Variants in TCOF1 observed in about 807,000 individuals in gnomAD.
TCOF1 encodes treacle ribosome biogenesis factor 1.
Under a neutral mutation model 149.0 loss-of-function variants are expected in TCOF1, and 33 were observed. The ratio of observed to expected loss-of-function variants is 0.22; its 90% CI spans 0.17 to 0.30. The LOEUF is 0.30. Among genes scored for constraint, TCOF1 ranks in the 10% least tolerant of loss-of-function variants. TCOF1 has a pLI of 1.00. For missense variants in TCOF1, 1,728 were observed against 1,840.7 expected, an observed-to-expected ratio of 0.94 and a Z score of 1.12; for synonymous variants, 789 against 738.8, an observed-to-expected ratio of 1.07 and a Z score of -1.10.
At chr5:150,361,233 G>A (rs1443601585) in intron 2 of TCOF1, 22 bp downstream of exon 2, 1 of 1,613,916 alleles carries the variant, frequency 6.2e-7, no homozygotes, top group African/African-American at 1.3e-5. Flanking sequence ...GGCCTATAGG[G>A]TGGAGTAGGG....
Position 150,392,797 on chromosome 5 carries a change from G to T in TCOF1, c.3603+7G>T. On this transcript the variant is annotated splice_region_variant and intron_variant, in intron 22 of 26. Transcript: ENST00000643257. Reference sequence around the variant, plus strand: ...TGTGGTGGCGCCATCCCAGGTAACTGCAAGGGAGAGGACTGGCAGCCCATA... The same window carrying T: ...TGTGGTGGCGCCATCCCAGGTAACTTCAAGGGAGAGGACTGGCAGCCCATA... 1 of 1,613,648 alleles carries T rather than the reference G, an allele frequency of 6.2e-7. No individual in the cohort carries two copies. The highest frequency in any genetic ancestry group is 2.2e-5 in the East Asian group (1 of 44,864).
chr5:150,375,871 G>T lies in TCOF1; in HGVS notation c.1855G>T (p.Asp619Tyr), dbSNP rs375269658. ...ESSEESSDSA[D>Y]SEEAPAAMTA... ...CAGCGAGGAGTCATCGGACAGTGCG[G>T]ACAGTGAGGAGGCACCAGCAGCCAT... Residue 619 changes from aspartate to tyrosine, a missense_variant, in exon 12 of 27, where the codon GAC (aspartate) becomes TAC (tyrosine). Physicochemically the swap from Asp to Tyr is radical, Grantham distance 160. Coordinates refer to ENST00000643257, the MANE Select transcript of TCOF1 (RefSeq NM_001371623.1). 1 of 1,614,140 alleles carries T rather than the reference G, an allele frequency of 6.2e-7. No individual in the cohort carries two copies.
At chr5:150,367,140 T>C (rs1014456789) in intron 3 of TCOF1, among the ~76,000 whole-genome samples, 1 of 151,688 alleles carries the variant, frequency 6.6e-6, no homozygotes, top group Non-Finnish European at 1.5e-5. Flanking sequence ...CCCGTCTCTA[T>C]TAAAAATACA....
rs772987244 is a variant in TCOF1, at chr5:150,379,690, A to T, written c.2817A>T (p.Ser939=). The change falls in exon 17 of 27, where the codon TCA becomes TCT. Residue 939 remains serine, a synonymous_variant. Coordinates refer to ENST00000643257, the MANE Select transcript of TCOF1 (RefSeq NM_001371623.1). The stretch of plus-strand genomic sequence containing the variant: ...ACTCAGGGAGCAGCAGCGAGGAATC[A>T]GACAGTGATGGGGAGGCACCGGCAG... ...QDDSGSSSEE[S]DSDGEAPAAV... is the part of the protein sequence containing the mutation. The T allele has an allele frequency of 7.6e-5, 123 of 1,614,122 alleles. No individual in the cohort carries two copies. The highest frequency in any genetic ancestry group is 9.9e-5 in the Non-Finnish European group (117 of 1,180,052).
chr5:150,385,649 CTG>C (rs1208161067), intron 17 of TCOF1, among the ~76,000 whole-genome samples: 5 of 152,232 alleles, frequency 3.3e-5, no homozygotes, highest in East Asian at 1.9e-4. Flanking sequence ...TCTCCCCACT[CTG>C]TGACTTGCTG....
chr5:150,396,518 A>G lies in TCOF1; in HGVS notation c.4021A>G (p.Lys1341Glu), dbSNP rs779059972. 6.2e-7 allele frequency: 1 copy of G among 1,610,394 alleles called. No individual in the cohort carries two copies. The highest frequency in any genetic ancestry group is 8.5e-7 in the Non-Finnish European group (1 of 1,178,434). The change falls in exon 24 of 27, where the codon AAG becomes GAG. Residue 1341 changes from lysine (K) to glutamate (E), a missense_variant. Around this residue, in one of 2 missense-constraint regions of TCOF1, gnomAD observed 1,696 missense variants for 1,765.4 expected, o/e 0.96. Coordinates refer to ENST00000643257, the MANE Select transcript of TCOF1 (RefSeq NM_001371623.1). ...VVDTTKESSR[K>E]GWESRKRKLS... ...GGACACCACCAAGGAGAGCAGCAGG[A>G]AGGGCTGGGAGAGCCGCAAGCGGAA...
rs968457333 is a variant in TCOF1 at position 150,383,710 on chromosome 5, T to G, written c.2859+3978T>G. ...AAGGTCCAAACGCTGGTCCCCTGGC[T>G]CCCTGTATCTCTCTGTTTTCTGTTT... is the stretch of plus-strand genomic sequence containing the variant. On this transcript the variant is annotated intron_variant, in intron 17 of 26. Coordinates refer to ENST00000643257, the MANE Select transcript of TCOF1 (RefSeq NM_001371623.1). 5.2e-6 allele frequency: 8 copies of G among 1,551,176 alleles called. No homozygotes were observed. The African/African-American group carries it at 9.6e-5, about 19-fold the overall frequency.
At chr5:150,392,938 G>A (rs946029943) in intron 22 of TCOF1, 148 bp downstream of exon 22, 24 of 945,888 alleles carry the variant, frequency 2.5e-5, no homozygotes, top group African/African-American at 1.1e-4. Flanking sequence ...AAGGCACCAC[G>A]TGTGGCCCAG....
chr5:150,361,056 C>T, intron 1 of TCOF1, 100 bp from the exon 2 acceptor site: 1 of 1,511,656 alleles, frequency 6.6e-7, no homozygotes, highest in Non-Finnish European at 9.2e-7. Context: ...TCTTCTGAAC[C>T]ACCTGTCTAT....
At position 150,379,639 on chromosome 5, in the gene TCOF1, G is replaced by A. The variant is rs369562565; in HGVS notation, c.2766G>A (p.Ser922=). Residue 922 remains serine, a synonymous_variant, in exon 17 of 27, where the codon TCG becomes TCA. Transcript: ENST00000643257. ...APTPPGKTGP[S]AAQAGKQDDS... is the part of the protein sequence containing the mutation. ...CACCTCCTGGGAAGACAGGGCCTTC[G>A]GCTGCCCAGGCAGGGAAGCAGGATG... The A allele has an allele frequency of 2.4e-4, 385 of 1,613,890 alleles. 1 individual carries two copies. Among genetic ancestry groups the A allele is most frequent in the Non-Finnish European group, 3.1e-4 (366 of 1,179,948 alleles).
At chr5:150,380,963 C>T (rs1186095654) in intron 17 of TCOF1, 2 of 152,174 alleles carry the variant, frequency 1.3e-5, no homozygotes, top group African/African-American at 4.8e-5. Context: ...GAGCCAAGAT[C>T]ATGCCATTGC....
chr5:150,369,202 C>T (rs1581072242), intron 5 of TCOF1, among the ~76,000 whole-genome samples: 2 of 152,338 alleles, frequency 1.3e-5, no homozygotes, highest in East Asian at 3.9e-4. Context: ...TGATTTGCCT[C>T]TGTTTCCTAT....
chr5:150,384,133 A>C, intron 17 of TCOF1: 3 of 1,120,076 alleles, frequency 2.7e-6, no homozygotes, highest in Non-Finnish European at 3.3e-6. Flanking sequence ...ATCACATACC[A>C]CATTGTTATC....
In TCOF1 at chr5:150,378,784, C is replaced by T. The variant is rs149159591; in HGVS notation, c.2341-121C>T. The stretch of plus-strand genomic sequence containing the variant: ...ATCAAGTGATGAGCTCAGGTTCACA[C>T]GCCTATTGCATGGAGGAGCCAGAAT... On this transcript the variant is annotated intron_variant, in intron 14 of 26. Transcript: ENST00000643257. 3.6e-5 allele frequency: 51 copies of T among 1,409,338 alleles called. 1 individual carries two copies. The East Asian group carries it at 8.9e-4, about 25-fold the overall frequency. The allele number at this position is 1,409,338 out of a possible 1,614,324, so 87.3% of individuals were successfully genotyped here.
At position 150,376,333 on chromosome 5, in the gene TCOF1, G is replaced by A. The variant is rs916561321; in HGVS notation, c.2142+3G>A. On this transcript the variant is annotated splice_donor_region_variant and intron_variant, in intron 13 of 26. Transcript: ENST00000643257. ...GTCTTGCAGTAACCGTGGGACAGGTGAGGCCTGTGTTTTCTGGGCGGGCCT... is the reference window on the plus strand; with the variant it reads ...GTCTTGCAGTAACCGTGGGACAGGTAAGGCCTGTGTTTTCTGGGCGGGCCT... 3 of 1,614,072 alleles carry A rather than the reference G, an allele frequency of 1.9e-6. No individual in the cohort carries two copies. The highest frequency in any genetic ancestry group is 1.3e-5 in the African/African-American group (1 of 74,940).
Position 150,387,984 on chromosome 5 carries a change from C to T in TCOF1, c.2942C>T (p.Ala981Val). 4 of 1,613,988 alleles carry T rather than the reference C, an allele frequency of 2.5e-6. No homozygotes were observed. Among genetic ancestry groups the T allele is most frequent in the Middle Eastern group, 3.3e-4 (2 of 6,062 alleles). ...PAATPAQAQA[A>V]STPRKARASE... ...GCTACACCCGCACAAGCCCAGGCTG[C>T]AAGCACCCCGAGGAAGGCCCGAGCC... The change falls in exon 18 of 27, where the codon GCA becomes GTA. Residue 981 changes from alanine (A) to valine (V), a missense_variant. Around this residue, in one of 2 missense-constraint regions of TCOF1, gnomAD observed 1,696 missense variants for 1,765.4 expected, o/e 0.96. Transcript: ENST00000643257.
intron 14 of TCOF1, 127 bp downstream of exon 14, chr5:150,376,747 G>T: frequency 2.2e-6 from 2 of 923,892 alleles, no homozygotes; most frequent in Non-Finnish European, 1.7e-6. Flanking sequence ...CCTCAACACA[G>T]CTTCCTTCCC....
chr5:150,378,754 G>A, intron 14 of TCOF1, 151 bp from the exon 15 acceptor site: 1 of 1,061,708 alleles, frequency 9.4e-7, no homozygotes, highest in South Asian at 1.4e-5. Context: ...CTGAGGCCCA[G>A]TGAGATCAAG....
chr5:150,375,770 C>T lies in TCOF1; in HGVS notation c.1754C>T (p.Ala585Val). 1 of 1,614,268 alleles carries T rather than the reference C, an allele frequency of 6.2e-7. No individual in the cohort carries two copies. Among genetic ancestry groups the T allele is most frequent in the South Asian group, 1.1e-5 (1 of 91,090 alleles). ...CAGGCCAAACCCACCTCCAGTCCTG[C>T]CAAGGGGCCCCCTCAGAAGGCAGGG... The part of the protein sequence containing the change: ...ILQAKPTSSP[A>V]KGPPQKAGPV... Residue 585 changes from alanine to valine, a missense_variant, in exon 12 of 27, where the codon GCC (alanine) becomes GTC (valine). Transcript: ENST00000643257.
Sources: allele counts gnomAD v4.1 joint callset (sites outside exome capture counted in the v4.1 genomes callset), GRCh38; gene constraint gnomAD v4.1.1; regional missense constraint gnomAD v4.1.1; transcripts MANE v1.5; gene names NCBI Gene and HGNC (gene_info 2026-07-23, HGNC 2026-07-21).